The following CDH20 variants were observed in gnomAD, a reference collection of about 807,000 sequenced individuals.
The protein encoded by CDH20 is cadherin 20.
A neutral mutation model predicts 74.2 loss-of-function variants in CDH20; 29 were observed. The ratio of observed to expected loss-of-function variants is 0.39; its 90% CI spans 0.29 to 0.53. The LOEUF (loss-of-function observed/expected upper bound fraction) is 0.53, where lower values mean the gene tolerates loss of function less well. CDH20 is among the 20% of genes least tolerant of loss of function. CDH20 has a pLI of 0.69. For missense variants in CDH20, 988 were observed against 1,048.3 expected, an observed-to-expected ratio of 0.94 and a Z score of 0.79; for synonymous variants, 469 against 405.4, an observed-to-expected ratio of 1.16 and a Z score of -1.88.
intron 1 of CDH20, among the ~76,000 whole-genome samples, chr18:61,461,398 T>G (rs1247259567): frequency 2.0e-5 from 3 of 150,856 alleles, no homozygotes; most frequent in Non-Finnish European, 4.4e-5. Flanking sequence ...AAAATTAAGA[T>G]GTTGGGAGGA....
At chr18:61,461,169 G>C (rs962608315) in intron 1 of CDH20, among the ~76,000 whole-genome samples, 2 of 151,830 alleles carry the variant, frequency 1.3e-5, no homozygotes, top group Admixed American at 1.3e-4. Flanking sequence ...AAATATTTTG[G>C]ATTTTTATTA....
chr18:61,390,961 C>T (rs1028221698), intron 1 of CDH20, among the ~76,000 whole-genome samples: 3 of 152,090 alleles, frequency 2.0e-5, no homozygotes, highest in Non-Finnish European at 2.9e-5. Context: ...AAACCACTGA[C>T]AGATGACAGA....
At chr18:61,385,929 C>CAAA (rs201684632) in intron 1 of CDH20, among the ~76,000 whole-genome samples, 10 of 66,198 alleles carry the variant, frequency 1.5e-4, no homozygotes, top group Non-Finnish European at 1.9e-4. Context: ...GACTTTGTCT[C>CAAA]AAAAAAAAAA....
At chr18:61,418,855 T>G (rs1003012278) in intron 1 of CDH20, among the ~76,000 whole-genome samples, 2 of 152,192 alleles carry the variant, frequency 1.3e-5, no homozygotes, top group African/African-American at 4.8e-5. Flanking sequence ...ATTCCAGATA[T>G]TTATCTCTTT....
chr18:61,414,616 C>A (rs1034824229), intron 1 of CDH20, among the ~76,000 whole-genome samples: 1 of 151,896 alleles, frequency 6.6e-6, no homozygotes, highest in African/African-American at 2.4e-5. Context: ...GTATAATATC[C>A]ATATAGTATA....
chr18:61,522,253 C>T (rs1435438408), intron 6 of CDH20, among the ~76,000 whole-genome samples: 3 of 152,126 alleles, frequency 2.0e-5, no homozygotes, highest in African/African-American at 4.8e-5. Flanking sequence ...GCAAAAATCA[C>T]AAGAATTCCT....
chr18:61,539,315 A>G (rs1912942057), intron 9 of CDH20, among the ~76,000 whole-genome samples, 170 bp downstream of exon 9: 1 of 152,188 alleles, frequency 6.6e-6, no homozygotes, highest in Non-Finnish European at 1.5e-5. Context: ...TGTTAAGACA[A>G]CTATTTGAGG....
rs140440818 is a variant in CDH20 at position 61,534,253 on chromosome 18, T to C, written c.1272-2240T>C. Among the ~76,000 whole-genome samples the C allele has an allele frequency of 1.8e-3, 270 of 152,232 alleles. 1 individual carries two copies. Among genetic ancestry groups the C allele is most frequent in the African/African-American group, 6.1e-3 (255 of 41,544 alleles). Reference sequence around the variant, plus strand: ...AAACGTAAGTGTTGGCTGGGGTGTGTAGAAAAAGGGAACCCTTGCACACCG... The same window carrying C: ...AAACGTAAGTGTTGGCTGGGGTGTGCAGAAAAAGGGAACCCTTGCACACCG... On this transcript the variant is annotated intron_variant, in intron 7 of 11. Coordinates refer to ENST00000262717, the MANE Select transcript of CDH20 (RefSeq NM_031891.4).
chr18:61,356,061 G>A (rs935576221), intron 1 of CDH20, among the ~76,000 whole-genome samples: 24 of 152,116 alleles, frequency 1.6e-4, no homozygotes, highest in African/African-American at 5.8e-4. Flanking sequence ...AGAGTAAAGA[G>A]TGATTCCACC....
intron 1 of CDH20, among the ~76,000 whole-genome samples, chr18:61,436,937 TCA>T (rs1908858711): frequency 1.3e-5 from 2 of 152,158 alleles, no homozygotes; most frequent in African/African-American, 2.4e-5. Flanking sequence ...CTCTCTAGTC[TCA>T]GTTTCCTTTG....
At chr18:61,538,862 G>A (rs1194203786) in intron 8 of CDH20, among the ~76,000 whole-genome samples, 162 bp from the exon 9 acceptor site, 1 of 151,802 alleles carries the variant, frequency 6.6e-6, no homozygotes, top group Non-Finnish European at 1.5e-5. Context: ...TCGATCTCCT[G>A]ACATCGTGAT....
intron 6 of CDH20, among the ~76,000 whole-genome samples, chr18:61,510,980 C>CTTTTTTTTTTTTTTTTT (rs112741210): frequency 2.9e-5 from 4 of 136,002 alleles, no homozygotes; most frequent in East Asian, 2.2e-4. Context: ...TTCTTTCTTT[C>CTTTTTTTTTTTTTTTTT]TTTTTTTTTT....
rs1298698166 is a variant in CDH20 at position 61,508,615 on chromosome 18, T to C, written c.1017+1055T>C. Among the ~76,000 whole-genome samples, 6 of 151,584 alleles carry C rather than the reference T, an allele frequency of 4.0e-5. No homozygotes were observed. In the South Asian group the frequency reaches 1.0e-3, roughly 26 times the overall value. On this transcript the variant is annotated intron_variant, in intron 6 of 11. Transcript: ENST00000262717. ...AGCATTTTCAGTGACCTGGATGAGA[T>C]TGGAGACTATTATTATTATTATTAT...
intron 1 of CDH20, among the ~76,000 whole-genome samples, chr18:61,429,085 G>C (rs1000721616): frequency 1.3e-5 from 2 of 152,064 alleles, no homozygotes; most frequent in Non-Finnish European, 2.9e-5. Flanking sequence ...GGTGGTGAGG[G>C]GGGTTTTATC....
intron 1 of CDH20, among the ~76,000 whole-genome samples, chr18:61,410,266 A>T (rs144251755): frequency 4.6e-4 from 70 of 152,334 alleles, no homozygotes; most frequent in African/African-American, 1.7e-3. Context: ...AAATAACAGC[A>T]AAACTTAATG....
intron 1 of CDH20, among the ~76,000 whole-genome samples, chr18:61,427,301 C>T (rs1599077589): frequency 6.6e-6 from 1 of 152,108 alleles, no homozygotes; most frequent in Admixed American, 6.5e-5. Context: ...CTCATGACAA[C>T]CCAGTGAAGT....
intron 7 of CDH20, among the ~76,000 whole-genome samples, chr18:61,529,931 C>T (rs1469911166): frequency 2.0e-5 from 3 of 152,096 alleles, no homozygotes; most frequent in African/African-American, 7.2e-5. Flanking sequence ...GGCTACCCCA[C>T]TAGAACCCAG....
rs184572046 is a variant in CDH20 at position 61,374,599 on chromosome 18, C to T, written c.-153+40772C>T. On this transcript the variant is annotated intron_variant, in intron 1 of 11. Coordinates refer to ENST00000262717, the MANE Select transcript of CDH20 (RefSeq NM_031891.4). ...CGACTAGCATTTTGCACAGAATTAT[C>T]TACTCATCTTTTTCAAAACTTATAT... 8.5e-5 allele frequency among the ~76,000 whole-genome samples: 13 copies of T among 152,232 alleles called. No individual in the cohort carries two copies. The East Asian group carries it at 2.5e-3, about 29-fold the overall frequency.
chr18:61,432,255 A>AAAC (rs1555676174), intron 1 of CDH20, among the ~76,000 whole-genome samples: 1 of 151,102 alleles, frequency 6.6e-6, no homozygotes, highest in African/African-American at 2.4e-5. Context: ...AAAAAAAAAA[A>AAAC]AAAAAAAAAC....
Sources: allele counts gnomAD v4.1 joint callset (sites outside exome capture counted in the v4.1 genomes callset), GRCh38; gene constraint gnomAD v4.1.1; transcripts MANE v1.5; gene names NCBI Gene and HGNC (gene_info 2026-07-23, HGNC 2026-07-21).